ATP10B: variants seen among roughly 807,000 people sequenced by gnomAD.
ATP10B encodes phospholipid-transporting ATPase VB.
A neutral mutation model predicts 141.2 loss-of-function variants in ATP10B; 122 were observed. The observed-to-expected ratio is 0.86, with a 90% CI of 0.75 to 1.00. The LOEUF (loss-of-function observed/expected upper bound fraction) is 1.00. ATP10B is among the 50% of genes least tolerant of loss of function. The probability of loss-of-function intolerance (pLI) is 0.00; values close to 1 mark genes in which losing one functional copy is unlikely to be tolerated. For synonymous variants in ATP10B, 685 were observed against 692.0 expected, an observed-to-expected ratio of 0.99 and a Z score of 0.16; for missense variants, 1,876 against 1,825.3, an observed-to-expected ratio of 1.03 and a Z score of -0.51.
chr5:160,915,391 G>A, the ATP10B span, among the ~76,000 whole-genome samples: 1 of 151,900 alleles, frequency 6.6e-6, no homozygotes, highest in Admixed American at 6.6e-5. Context: ...GAGTGCAGTG[G>A]TGTGATCTCG....
At chr5:160,754,208 T>C (rs1240539773) in intron 2 of ATP10B, among the ~76,000 whole-genome samples, 1 of 152,170 alleles carries the variant, frequency 6.6e-6, no homozygotes, top group Non-Finnish European at 1.5e-5. Flanking sequence ...TGTTAAAATA[T>C]AATAAAAATC....
intron 6 of ATP10B, among the ~76,000 whole-genome samples, chr5:160,671,028 G>C (rs553672803): frequency 6.6e-6 from 1 of 151,798 alleles, no homozygotes; most frequent in East Asian, 1.9e-4. Context: ...AGCTGGGTGT[G>C]GTGGTGCGTG....
chr5:160,588,157 G>T (rs1756038883), intron 24 of ATP10B, among the ~76,000 whole-genome samples: 1 of 151,910 alleles, frequency 6.6e-6, no homozygotes, highest in African/African-American at 2.4e-5. Context: ...CTGACAATGG[G>T]GTTTTCTAAA....
intron 2 of ATP10B, among the ~76,000 whole-genome samples, chr5:160,737,268 C>T (rs901359098): frequency 2.6e-5 from 4 of 152,070 alleles, no homozygotes; most frequent in Admixed American, 2.0e-4. Context: ...ATAATAAAAG[C>T]CATATATGAC....
At chr5:160,626,471 T>C (rs1758618836) in intron 13 of ATP10B, among the ~76,000 whole-genome samples, 1 of 152,230 alleles carries the variant, frequency 6.6e-6, no homozygotes, top group South Asian at 2.1e-4. Flanking sequence ...ACTTTAATTA[T>C]GAAACAAGCG....
At chr5:160,767,311 G>T (rs1206737495) in intron 2 of ATP10B, among the ~76,000 whole-genome samples, 2 of 152,104 alleles carry the variant, frequency 1.3e-5, no homozygotes, top group African/African-American at 4.8e-5. Context: ...CCTGAGAAAA[G>T]CAGCTGTCTT....
chr5:160,688,718 G>A (rs898331166), intron 4 of ATP10B, 42 bp downstream of exon 4: 23 of 964,032 alleles, frequency 2.4e-5, no homozygotes, highest in Admixed American at 6.2e-5. Flanking sequence ...TTTCTTTGGC[G>A]CTAACATTTT....
At chr5:160,621,965 T>C (rs1455070844) in intron 14 of ATP10B, among the ~76,000 whole-genome samples, 1 of 152,224 alleles carries the variant, frequency 6.6e-6, no homozygotes, top group African/African-American at 2.4e-5. Context: ...TTATGAGCCA[T>C]ATGTCCTTCA....
chr5:160,786,644 C>T (rs1307464668), intron 1 of ATP10B, among the ~76,000 whole-genome samples: 1 of 152,120 alleles, frequency 6.6e-6, no homozygotes, highest in Non-Finnish European at 1.5e-5. Context: ...TCATTGCTAA[C>T]TTTACTGACT....
chr5:160,585,466 T>C (rs191279317), intron 24 of ATP10B, among the ~76,000 whole-genome samples: 5 of 152,260 alleles, frequency 3.3e-5, no homozygotes, highest in African/African-American at 4.8e-5. Context: ...TAGCTGGGCA[T>C]GGTGGCACGC....
At chr5:160,889,619 G>T in the ATP10B span, among the ~76,000 whole-genome samples, 3 of 152,186 alleles carry the variant, frequency 2.0e-5, no homozygotes, top group African/African-American at 7.2e-5. Context: ...TGGGCACAAA[G>T]AATCTATCCC....
chr5:160,614,704 C>T (rs1327273271), intron 17 of ATP10B: 1 of 152,384 alleles, frequency 6.6e-6, no homozygotes, highest in South Asian at 2.1e-4. Context: ...TGTCAGCCAT[C>T]CCACTTGCCA....
At chr5:160,852,918 A>G (rs759694379), upstream of ATP10B, among the ~76,000 whole-genome samples, 5 of 152,176 alleles carry the variant, frequency 3.3e-5, no homozygotes, top group Non-Finnish European at 5.9e-5. Context: ...AAAAAAAGAA[A>G]TATTACCAAA....
chr5:160,783,463 C>T (rs1235036746), intron 2 of ATP10B, among the ~76,000 whole-genome samples: 1 of 118,142 alleles, frequency 8.5e-6, no homozygotes, highest in South Asian at 2.7e-4. Context: ...ATATATATAT[C>T]ATATATATAT....
the ATP10B span, among the ~76,000 whole-genome samples, chr5:160,871,117 TAGAG>T: frequency 9.2e-5 from 14 of 152,200 alleles, 1 homozygote; most frequent in Admixed American, 5.9e-4. Flanking sequence ...TGAATCTTCA[TAGAG>T]AAAGGAAGAA....
intron 2 of ATP10B, among the ~76,000 whole-genome samples, chr5:160,733,664 G>A (rs894018468): frequency 1.2e-4 from 7 of 59,128 alleles, no homozygotes; most frequent in South Asian, 7.7e-4. Flanking sequence ...TATATGTAAC[G>A]TTATATATAT....
chr5:160,644,092 A>G, intron 9 of ATP10B, 46 bp downstream of exon 9: 3 of 1,483,560 alleles, frequency 2.0e-6, no homozygotes, highest in African/African-American at 1.4e-5. Flanking sequence ...TTGGAGGGGG[A>G]AGGATAAAGG....
chr5:160,725,847 T>A (rs1371719220), intron 2 of ATP10B, among the ~76,000 whole-genome samples: 3 of 152,216 alleles, frequency 2.0e-5, no homozygotes, highest in East Asian at 3.8e-4. Context: ...TGGCAAAATC[T>A]GTGACTCAGA....
chr5:160,737,465 CTTTG>C (rs1263708762), intron 2 of ATP10B, among the ~76,000 whole-genome samples: 2 of 152,082 alleles, frequency 1.3e-5, no homozygotes, highest in African/African-American at 2.4e-5. Context: ...AGCTAAATTA[CTTTG>C]TTTGAAGATA....
Sources: allele counts gnomAD v4.1 joint callset (sites outside exome capture counted in the v4.1 genomes callset), GRCh38; gene constraint gnomAD v4.1.1; transcripts MANE v1.5; gene names NCBI Gene and HGNC (gene_info 2026-07-23, HGNC 2026-07-21).